Variants in DDX4 observed in about 807,000 individuals in gnomAD.
The protein encoded by DDX4 is probable ATP-dependent RNA helicase DDX4.
DDX4 carries 25 observed loss-of-function variants against 100.0 expected under a neutral mutation model. The ratio of observed to expected loss-of-function variants is 0.25; its 90% CI spans 0.18 to 0.35. DDX4 has a LOEUF of 0.35. Ranked by LOEUF, DDX4 falls within the 10% of genes least tolerant of loss-of-function variation. DDX4 has a pLI of 1.00. For missense variants in DDX4, 635 were observed against 882.4 expected, an observed-to-expected ratio of 0.72 and a Z score of 3.55; for synonymous variants, 259 against 275.7, an observed-to-expected ratio of 0.94 and a Z score of 0.60.
intron 7 of DDX4, chr5:55,773,080 C>T (rs1053925070): frequency 6.6e-6 from 1 of 152,322 alleles, no homozygotes; most frequent in African/African-American, 2.4e-5. Context: ...TTATTTCTCA[C>T]AGTTCTGGAG....
Position 55,798,886 on chromosome 5 carries a change from A to G in DDX4, c.1615+315A>G, listed in dbSNP as rs184649138. Among the ~76,000 whole-genome samples the G allele has an allele frequency of 2.1e-3, 322 of 152,306 alleles. 1 individual carries two copies. Among genetic ancestry groups the G allele is most frequent in the African/African-American group, 7.1e-3 (294 of 41,564 alleles). The stretch of plus-strand genomic sequence containing the variant: ...TAGTAGTGACACATATTTACATCAC[A>G]CTATTACTCCATCAAAAGCAGATTG... On this transcript the variant is annotated intron_variant, in intron 18 of 21. Coordinates refer to ENST00000505374, the MANE Select transcript of DDX4 (RefSeq NM_024415.3).
At chr5:55,816,327 A>G (rs992607728) in intron 21 of DDX4, 136 bp from the exon 22 acceptor site, 2 of 1,344,214 alleles carry the variant, frequency 1.5e-6, no homozygotes, top group Admixed American at 3.0e-5. Context: ...AGTGAGAATA[A>G]AGTTCTTTGA....
chr5:55,765,413 A>AAATATATATATATATATATATATATAT (rs1392558099), intron 6 of DDX4, among the ~76,000 whole-genome samples: 2 of 83,010 alleles, frequency 2.4e-5, no homozygotes, highest in African/African-American at 1.2e-4. Context: ...AAAAAAAAAA[A>AAATATATATATATATATATATATATAT]ATATATATAT....
intron 17 of DDX4, among the ~76,000 whole-genome samples, chr5:55,794,893 C>G (rs906039761): frequency 1.3e-5 from 2 of 151,886 alleles, no homozygotes; most frequent in Non-Finnish European, 2.9e-5. Context: ...GTTCCCTTGG[C>G]TTCTACTTAT....
At chr5:55,772,741 G>T (rs1741329206) in intron 7 of DDX4, among the ~76,000 whole-genome samples, 1 of 152,132 alleles carries the variant, frequency 6.6e-6, no homozygotes, top group South Asian at 2.1e-4. Flanking sequence ...TGCATCATAT[G>T]ATCTCTGAAC....
intron 6 of DDX4, among the ~76,000 whole-genome samples, chr5:55,767,509 TTA>T (rs1406905788): frequency 6.6e-6 from 1 of 152,242 alleles, no homozygotes; most frequent in Non-Finnish European, 1.5e-5. Context: ...TCTATGGACC[TTA>T]TGTGAGAACC....
chr5:55,796,252 C>G (rs1307622731), intron 17 of DDX4, among the ~76,000 whole-genome samples: 1 of 152,218 alleles, frequency 6.6e-6, no homozygotes, highest in Non-Finnish European at 1.5e-5. Flanking sequence ...TCTGGTAGCA[C>G]CCTCAGAGAC....
intron 8 of DDX4, 53 bp downstream of exon 8, chr5:55,780,118 G>T (rs1289888016): frequency 1.3e-6 from 2 of 1,590,944 alleles, no homozygotes; most frequent in Non-Finnish European, 1.7e-6. Flanking sequence ...AAAAGAAAAT[G>T]ATTTAAAAAA....
chr5:55,772,692 A>G (rs1741325315), intron 7 of DDX4, among the ~76,000 whole-genome samples: 1 of 152,088 alleles, frequency 6.6e-6, no homozygotes, highest in African/African-American at 2.4e-5. Flanking sequence ...TTCCCTTGAC[A>G]GCTAGTTGTT....
chr5:55,773,461 A>G (rs1741372140), intron 7 of DDX4, among the ~76,000 whole-genome samples: 1 of 152,160 alleles, frequency 6.6e-6, no homozygotes, highest in African/African-American at 2.4e-5. Context: ...TAACTTTTTG[A>G]GGAACTGCCA....
chr5:55,768,394 G>C (rs1479114727), intron 7 of DDX4, among the ~76,000 whole-genome samples: 2 of 152,100 alleles, frequency 1.3e-5, no homozygotes, highest in East Asian at 3.8e-4. Flanking sequence ...TTGGCTTTCT[G>C]TTCCTGCATT....
intron 3 of DDX4, among the ~76,000 whole-genome samples, chr5:55,759,691 A>T (rs964653508): frequency 3.3e-5 from 5 of 152,086 alleles, no homozygotes; most frequent in East Asian, 1.9e-4. Context: ...GCTTATAAAA[A>T]TTTTTTTATG....
At position 55,790,704 on chromosome 5, in the gene DDX4, A is replaced by C; in HGVS notation, c.1301A>C (p.Lys434Thr). 4 of 1,611,578 alleles carry C rather than the reference A, an allele frequency of 2.5e-6. No individual in the cohort carries two copies. Among genetic ancestry groups the C allele is most frequent in the Non-Finnish European group, 3.4e-6 (4 of 1,178,158 alleles). Reference sequence around the variant, plus strand: ...CTGATGGATATCATAGGCAAAGAAAAGGTACGCCTTATAGGAATAATGAAG... The same window carrying C: ...CTGATGGATATCATAGGCAAAGAAACGGTACGCCTTATAGGAATAATGAAG... Reference protein sequence around the residue: ...GRLMDIIGKEKIGLKQIKYLV... With the variant: ...GRLMDIIGKETIGLKQIKYLV... The change falls in exon 16 of 22, where the codon AAG (lysine) becomes ACG (threonine). Residue 434 changes from lysine to threonine, a missense_variant and splice_region_variant. Physicochemically the swap from Lys to Thr is moderately conservative, Grantham distance 78. Around this residue, in one of 4 missense-constraint regions of DDX4, gnomAD observed 446 missense variants for 540.8 expected, o/e 0.82. Transcript: ENST00000505374.
intron 12 of DDX4, 70 bp downstream of exon 12, chr5:55,785,564 A>T (rs1742192101): frequency 2.2e-6 from 3 of 1,378,560 alleles, no homozygotes; most frequent in African/African-American, 2.9e-5. Flanking sequence ...ATTTTACTTA[A>T]AAACAAAGTT....
intron 7 of DDX4, among the ~76,000 whole-genome samples, chr5:55,776,477 G>A (rs2111935876): frequency 6.6e-6 from 1 of 152,294 alleles, no homozygotes; most frequent in South Asian, 2.1e-4. Context: ...CCTTATGCAT[G>A]TATTGAAATT....
intron 7 of DDX4, 29 bp downstream of exon 7, chr5:55,767,969 A>G (rs1288132337): frequency 6.3e-7 from 1 of 1,598,442 alleles, no homozygotes; most frequent in Admixed American, 1.7e-5. Context: ...AACAATTTGT[A>G]CTTAACACAG....
chr5:55,790,211 C>T (rs1742482216), intron 15 of DDX4, among the ~76,000 whole-genome samples: 1 of 128,076 alleles, frequency 7.8e-6, no homozygotes, highest in East Asian at 2.6e-4. Flanking sequence ...GTGGTGGGAT[C>T]TCGGCTCACT....
At chr5:55,788,770 A>G (rs747581205) in intron 15 of DDX4, among the ~76,000 whole-genome samples, 9 of 152,174 alleles carry the variant, frequency 5.9e-5, no homozygotes, top group South Asian at 2.1e-4. Context: ...CTTGCTACAT[A>G]GTTTTTCTGT....
At chr5:55,804,640 C>A (rs530394496) in intron 18 of DDX4, among the ~76,000 whole-genome samples, 34 of 151,926 alleles carry the variant, frequency 2.2e-4, no homozygotes, top group African/African-American at 7.0e-4. Flanking sequence ...TGTAGATATG[C>A]TGCGTTATTT....
Sources: gnomAD v4.1 joint callset for allele counts (sites outside exome capture counted in the v4.1 genomes callset) on GRCh38, gnomAD v4.1.1 for gene constraint, gnomAD v4.1.1 regional missense constraint, MANE v1.5 for transcripts, NCBI Gene and HGNC (gene_info 2026-07-23, HGNC 2026-07-21) for gene names.